NRK: variants seen among roughly 807,000 people sequenced by gnomAD.
The protein encoded by NRK is nik-related protein kinase.
A neutral mutation model predicts 125.2 loss-of-function variants in NRK; 67 were observed. The observed-to-expected ratio is 0.54, with a 90% confidence interval of 0.44 to 0.66. NRK has a LOEUF of 0.66. Among genes scored for constraint, NRK ranks in the 30% least tolerant of loss-of-function variants. The pLI is 0.00. For synonymous variants in NRK, 458 were observed against 429.0 expected (o/e 1.07, Z -0.84); for missense variants, 1,224 against 1,192.9 (o/e 1.03, Z -0.38).
intron 16 of NRK, among the ~76,000 whole-genome samples, chrX:105,920,743 C>T (rs1280434809): frequency 9.2e-6 from 1 of 109,234 alleles, no homozygotes; most frequent in East Asian, 2.9e-4. Context: ...CTCATCGTCA[C>T]TGGCCATCAG....
chrX:105,916,871 C>T (rs764809363), intron 15 of NRK, among the ~76,000 whole-genome samples: 9 of 111,615 alleles, frequency 8.1e-5, no homozygotes, highest in Admixed American at 2.9e-4. Context: ...ATAACAAATA[C>T]GTTGCCTTTA....
intron 1 of NRK, among the ~76,000 whole-genome samples, chrX:105,824,687 A>C (rs1456441998): frequency 9.1e-6 from 1 of 110,453 alleles, no homozygotes; most frequent in Non-Finnish European, 1.9e-5. Context: ...GGGACATAAG[A>C]ATTTGGTGGA....
intron 26 of NRK, chrX:105,948,804 T>C (rs971541550): frequency 1.2e-5 from 5 of 426,772 alleles, no homozygotes; most frequent in Middle Eastern, 3.5e-4. Flanking sequence ...TGTGCTAGTT[T>C]GAAGAAACCA....
chrX:105,821,905 G>A (rs191416201), upstream of NRK, among the ~76,000 whole-genome samples: 1 of 111,671 alleles, frequency 9.0e-6, no homozygotes, highest in East Asian at 2.9e-4. Context: ...AGTTCCCAGC[G>A]GCTCTGTCCA....
At chrX:105,940,164 C>T (rs1327249460) in intron 23 of NRK, 132 bp downstream of exon 23, 4 of 457,701 alleles carry the variant, frequency 8.7e-6, no homozygotes, top group Admixed American at 4.6e-5. Context: ...AGATCAGGGA[C>T]GTTCAGGGTG....
Position 105,900,626 on chromosome X carries a change from G to T in NRK, c.720G>T (p.Val240=). Residue 240 remains valine (V), a synonymous_variant, in exon 9 of 29, where the codon GTG becomes GTT. Coordinates refer to ENST00000243300, the MANE Select transcript of NRK (RefSeq NM_198465.4). ...CATCTTTGTCTTTGCAGAGTGATGT[G>T]TGGTCTGTGGGAATTACTGCCATTG... The part of the protein sequence containing the change: ...PRRSYDYRSD[V]WSVGITAIEM... 1 of 1,184,636 alleles carries T rather than the reference G, an allele frequency of 8.4e-7. No homozygotes were observed. Among genetic ancestry groups the T allele is most frequent in the East Asian group, 3.0e-5 (1 of 33,614 alleles).
At chrX:105,946,519 T>C in intron 26 of NRK, 55 bp downstream of exon 26, 1 of 890,355 alleles carries the variant, frequency 1.1e-6, no homozygotes, top group Non-Finnish European at 1.6e-6. Context: ...ATTTGAGTTT[T>C]TCCAACTGTC....
At chrX:105,863,270 A>G (rs1226958575) in intron 2 of NRK, among the ~76,000 whole-genome samples, 2 of 109,239 alleles carry the variant, frequency 1.8e-5, no homozygotes, top group African/African-American at 6.7e-5. Context: ...TTGTTTTAAC[A>G]CCCTTTATTT....
chrX:105,868,223 A>G (rs2039697261), intron 2 of NRK, among the ~76,000 whole-genome samples: 1 of 111,274 alleles, frequency 9.0e-6, no homozygotes, highest in African/African-American at 3.3e-5. Flanking sequence ...AGTGGGAATC[A>G]ATGAATTTGG....
At chrX:105,933,265 A>G (rs1377171697) in intron 19 of NRK, among the ~76,000 whole-genome samples, 1 of 111,158 alleles carries the variant, frequency 9.0e-6, no homozygotes, top group Non-Finnish European at 1.9e-5. Flanking sequence ...TTTCATAGCA[A>G]CCCTGGTTAT....
At chrX:105,900,517 G>A (rs1569305603) in intron 8 of NRK, 101 bp from the exon 9 acceptor site, 2 of 515,034 alleles carry the variant, frequency 3.9e-6, no homozygotes, top group East Asian at 7.3e-5. Flanking sequence ...AAAGAGCTCT[G>A]GCATTGACAT....
intron 2 of NRK, among the ~76,000 whole-genome samples, chrX:105,877,379 G>T (rs1224147148): frequency 1.8e-5 from 2 of 111,168 alleles, no homozygotes; most frequent in African/African-American, 3.3e-5. Flanking sequence ...TGAGAAAACT[G>T]GGAAGTCAGA....
chrX:105,948,070 ATC>A (rs1602704641), intron 26 of NRK, among the ~76,000 whole-genome samples: 2 of 110,806 alleles, frequency 1.8e-5, no homozygotes, highest in African/African-American at 6.6e-5. Context: ...AGCTTCCTGC[ATC>A]TCTCTTTTTT....
rs779292616 is a variant in NRK at position 105,923,124 on chromosome X, G to C, written c.2617G>C (p.Asp873His). The C allele has an allele frequency of 7.5e-6, 9 of 1,197,618 alleles. No individual in the cohort carries two copies. The highest frequency in any genetic ancestry group is 1.0e-5 in the Non-Finnish European group (9 of 886,852). ...QKLLVDIHVP[D>H]GFKVGKISPP... Reference sequence around the variant, plus strand: ...ACCTTTCTTGTGCACACAGGTTCCAGATGGATTTAAAGTAGGAAAAATATC... The same window carrying C: ...ACCTTTCTTGTGCACACAGGTTCCACATGGATTTAAAGTAGGAAAAATATC... The change falls in exon 18 of 29, where the codon GAT becomes CAT. Residue 873 changes from aspartate to histidine, a missense_variant. Asp to His is a moderately conservative substitution (Grantham distance 81). Transcript: ENST00000243300.
At chrX:105,924,616 C>T (rs1454457844) in intron 18 of NRK, 79 bp from the exon 19 acceptor site, 2 of 813,021 alleles carry the variant, frequency 2.5e-6, no homozygotes, top group African/African-American at 4.2e-5. Flanking sequence ...AAGACACATC[C>T]TAATTCTGTT....
At chrX:105,850,135 C>T (rs1305778438) in intron 2 of NRK, among the ~76,000 whole-genome samples, 1 of 112,657 alleles carries the variant, frequency 8.9e-6, no homozygotes, top group Non-Finnish European at 1.9e-5. Context: ...GGTTCCCAAA[C>T]CTCAATTCTT....
intron 6 of NRK, among the ~76,000 whole-genome samples, chrX:105,894,280 A>G (rs1233596818): frequency 8.9e-6 from 1 of 112,260 alleles, no homozygotes; most frequent in African/African-American, 3.2e-5. Flanking sequence ...CACAAGCATC[A>G]TAGATTAAGA....
At chrX:105,920,293 G>A (rs2040423158) in intron 16 of NRK, among the ~76,000 whole-genome samples, 1 of 107,993 alleles carries the variant, frequency 9.3e-6, no homozygotes, top group Non-Finnish European at 1.9e-5. Flanking sequence ...TTTGGTTACT[G>A]TAGCCTTGTA....
In NRK at chrX:105,898,582, A is replaced by G. The variant is rs1346810568; in HGVS notation, c.581-2A>G. ...ATTTTGACATATAATGATTTTTGGC[A>G]GTTGATTTTGGAGTGAGTGCCCAGG... On this transcript the variant is annotated splice_acceptor_variant, in intron 7 of 28. Coordinates refer to ENST00000243300, the MANE Select transcript of NRK (RefSeq NM_198465.4). LOFTEE classifies it high-confidence loss of function. The G allele has an allele frequency of 8.4e-7, 1 of 1,192,430 alleles. No individual in the cohort carries two copies. Among genetic ancestry groups the G allele is most frequent in the Non-Finnish European group, 1.1e-6 (1 of 885,993 alleles).
Sources: gnomAD v4.1 joint callset for allele counts (sites outside exome capture counted in the v4.1 genomes callset) on GRCh38, gnomAD v4.1.1 for gene constraint, MANE v1.5 for transcripts, NCBI Gene and HGNC (gene_info 2026-07-23, HGNC 2026-07-21) for gene names.